Variants in CNTRL observed in about 807,000 individuals in gnomAD.
The protein encoded by CNTRL is centriolin.
In CNTRL, 233 loss-of-function variants were observed where a neutral mutation model predicts 303.7. The ratio of observed to expected loss-of-function variants is 0.77; its 90% CI spans 0.69 to 0.86. CNTRL has a LOEUF of 0.86. Ranked by LOEUF, CNTRL falls within the 40% of genes least tolerant of loss-of-function variation. The probability of loss-of-function intolerance (pLI) is 0.00; values close to 1 mark genes in which losing one functional copy is unlikely to be tolerated. For missense variants in CNTRL, 2,524 were observed against 2,650.6 expected, an observed-to-expected ratio of 0.95 and a Z score of 1.05; for synonymous variants, 900 against 922.2, an observed-to-expected ratio of 0.98 and a Z score of 0.44.
intron 22 of CNTRL, 88 bp downstream of exon 22, chr9:121,145,473 A>G: frequency 7.7e-7 from 1 of 1,304,578 alleles, no homozygotes; most frequent in Non-Finnish European, 1.0e-6. Context: ...AACTGTTACA[A>G]ATCAAGTCCA....
intron 38 of CNTRL, among the ~76,000 whole-genome samples, chr9:121,168,561 C>T (rs1024349492): frequency 2.0e-4 from 30 of 152,106 alleles, no homozygotes; most frequent in African/African-American, 7.0e-4. Context: ...AGAATGCCAT[C>T]TCAAGAAAGT....
rs1323631926 is a variant in CNTRL, at chr9:121,145,380, G to A, written c.3305G>A (p.Gly1102Glu). The change falls in exon 22 of 44, where the codon GGA (glycine) becomes GAA (glutamate). Residue 1102 changes from glycine (G) to glutamate (E), a missense_variant. Physicochemically the swap from Gly to Glu is moderately conservative, Grantham distance 98. Coordinates refer to ENST00000373855, the MANE Select transcript of CNTRL (RefSeq NM_007018.6). ...CTGCAGAATGTACTAGACCTCACTGGAAGTGGTAAAGTATTGGGCTTTGAT... is the reference window on the plus strand; with the variant it reads ...CTGCAGAATGTACTAGACCTCACTGAAAGTGGTAAAGTATTGGGCTTTGAT... ...ARLQNVLDLT[G>E]SDNKGGFENV... 6.2e-7 allele frequency: 1 copy of A among 1,604,356 alleles called. No homozygotes were observed. The highest frequency in any genetic ancestry group is 1.8e-5 in the Admixed American group (1 of 57,094).
At chr9:121,119,228 C>T (rs973116220) in intron 12 of CNTRL, among the ~76,000 whole-genome samples, 2 of 150,866 alleles carry the variant, frequency 1.3e-5, no homozygotes, top group African/African-American at 4.9e-5. Context: ...GGTTGAATTT[C>T]ATTGTATTGC....
chr9:121,135,526 CCTT>C (rs2051137223), intron 14 of CNTRL, among the ~76,000 whole-genome samples: 1 of 152,194 alleles, frequency 6.6e-6, no homozygotes, highest in African/African-American at 2.4e-5. Context: ...CTTTCTTCCT[CCTT>C]ATGTTTTTAG....
chr9:121,149,989 T>C (rs2052125843), intron 24 of CNTRL, among the ~76,000 whole-genome samples, 181 bp from the exon 25 acceptor site: 1 of 152,196 alleles, frequency 6.6e-6, no homozygotes, highest in Non-Finnish European at 1.5e-5. Flanking sequence ...GAAAATACTT[T>C]GAATCCATGT....
At position 121,096,501 on chromosome 9, in the gene CNTRL, T is replaced by A; in HGVS notation, c.559T>A (p.Trp187Arg). The A allele has an allele frequency of 1.3e-6, 2 of 1,565,060 alleles. No homozygotes were observed. The highest frequency in any genetic ancestry group is 1.7e-6 in the Non-Finnish European group (2 of 1,150,312). ...AGNEIEHIPV[W>R]LGKKLKSLRV... ...AAATGAAATTGAGCATATTCCAGTA[T>A]GGTTAGGGAAGAAGTTAAAATCTTT... Residue 187 changes from tryptophan to arginine, a missense_variant, in exon 6 of 44, where the codon TGG (tryptophan) becomes AGG (arginine). Physicochemically the swap from Trp to Arg is moderately radical, Grantham distance 101. Coordinates refer to ENST00000373855, the MANE Select transcript of CNTRL (RefSeq NM_007018.6).
At position 121,142,155 on chromosome 9, in the gene CNTRL, T is replaced by C. The variant is rs776479708; in HGVS notation, c.2756T>C (p.Leu919Ser). 28 of 1,611,848 alleles carry C rather than the reference T, an allele frequency of 1.7e-5. 2 individuals carry two copies. In the South Asian group the frequency reaches 3.0e-4, roughly 17 times the overall value. ...IQQMENEIHY[L>S]QENLKSMEEI... ...CAAATGGAGAATGAAATTCACTATT[T>C]GCAAGAAAATCTAAAAAGTATGGAG... Residue 919 changes from leucine to serine, a missense_variant, in exon 19 of 44, where the codon TTG becomes TCG. By Grantham distance (145) the Leu-to-Ser change is moderately radical. Transcript: ENST00000373855.
In CNTRL at chr9:121,171,452, A is replaced by G; in HGVS notation, c.6321A>G (p.Thr2107=). The change falls in exon 40 of 44, where the codon ACA becomes ACG. Residue 2107 remains threonine (T), a synonymous_variant. Coordinates refer to ENST00000373855, the MANE Select transcript of CNTRL (RefSeq NM_007018.6). ...GCTGCATACAAAAGGAAATGGCAACAATTGAACTGGTAGCCCAGGACAACC... is the reference window on the plus strand; with the variant it reads ...GCTGCATACAAAAGGAAATGGCAACGATTGAACTGGTAGCCCAGGACAACC... ...ENSCIQKEMA[T]IELVAQDNHE... is the part of the protein sequence containing the mutation. The G allele has an allele frequency of 6.2e-7, 1 of 1,614,156 alleles. No individual in the cohort carries two copies. The highest frequency in any genetic ancestry group is 8.5e-7 in the Non-Finnish European group (1 of 1,179,972).
chr9:121,160,393 C>G, intron 32 of CNTRL, 91 bp downstream of exon 32: 2 of 967,202 alleles, frequency 2.1e-6, no homozygotes, highest in Non-Finnish European at 2.9e-6. Context: ...GCCAAAAAAA[C>G]TTTAAAGTTT....
intron 40 of CNTRL, 48 bp from the exon 41 acceptor site, chr9:121,173,195 A>C: frequency 6.6e-7 from 1 of 1,526,172 alleles, no homozygotes; most frequent in Non-Finnish European, 8.9e-7. Context: ...AATTCCAAGT[A>C]AGTCTGAAAT....
intron 7 of CNTRL, 127 bp downstream of exon 7, chr9:121,098,699 T>A (rs745628151): frequency 2.3e-4 from 157 of 682,322 alleles, no homozygotes; most frequent in Non-Finnish European, 3.3e-4. Context: ...GCAGCATAAA[T>A]CAATTCAACA....
chr9:121,175,912 C>A (rs1431095425), intron 43 of CNTRL, among the ~76,000 whole-genome samples: 4 of 152,160 alleles, frequency 2.6e-5, no homozygotes, highest in Admixed American at 2.6e-4. Context: ...TTGTAACTTA[C>A]ATTTACAGAG....
chr9:121,097,264 T>C (rs2048930391), intron 6 of CNTRL, among the ~76,000 whole-genome samples: 1 of 152,090 alleles, frequency 6.6e-6, no homozygotes, highest in South Asian at 2.1e-4. Flanking sequence ...ACATCAGTTG[T>C]AGAATAGAAA....
chr9:121,132,952 G>T (rs1429935992), intron 14 of CNTRL, among the ~76,000 whole-genome samples: 1 of 152,176 alleles, frequency 6.6e-6, no homozygotes, highest in Non-Finnish European at 1.5e-5. Context: ...GTTTGCCTCG[G>T]TATCACAAGT....
At chr9:121,139,489 A>G (rs2051384803) in intron 16 of CNTRL, among the ~76,000 whole-genome samples, 1 of 152,180 alleles carries the variant, frequency 6.6e-6, no homozygotes, top group African/African-American at 2.4e-5. Flanking sequence ...TTCTTCTAAC[A>G]CTTCAAATAT....
chr9:121,148,880 GA>G lies in CNTRL; in HGVS notation c.3649+22del. On this transcript the variant is annotated intron_variant, in intron 24 of 43. Transcript: ENST00000373855. ...AGTAGAGGTAAGTCAAATCACATAG[GA>G]AAGTTGCATTTCTCTTGCCCGTTTA... The G allele has an allele frequency of 6.2e-7, 1 of 1,604,642 alleles. No individual in the cohort carries two copies. The highest frequency in any genetic ancestry group is 8.5e-7 in the Non-Finnish European group (1 of 1,173,858).
rs767889904 is a variant in CNTRL at position 121,088,510 on chromosome 9, A to G, written c.184A>G (p.Asn62Asp). ...TGAGCAAGTTGAGATTGCAGATGAAAACAATATGCTTTTGGACTATCAAGA... is the reference window on the plus strand; with the variant it reads ...TGAGCAAGTTGAGATTGCAGATGAAGACAATATGCTTTTGGACTATCAAGA... Reference protein sequence around the residue: ...WCEQVEIADENNMLLDYQDHK... With the variant: ...WCEQVEIADEDNMLLDYQDHK... The change falls in exon 3 of 44, where the codon AAC (asparagine) becomes GAC (aspartate). Residue 62 changes from asparagine to aspartate, a missense_variant. Transcript: ENST00000373855. 5.6e-6 allele frequency: 9 copies of G among 1,610,930 alleles called. No individual in the cohort carries two copies. In the African/African-American group the frequency reaches 1.2e-4, roughly 22 times the overall value.
chr9:121,122,019 GTTTT>G, intron 12 of CNTRL: 2 of 705,738 alleles, frequency 2.8e-6, no homozygotes, highest in Non-Finnish European at 3.5e-6. Flanking sequence ...GTAAGTTCCT[GTTTT>G]TACAATAACT....
intron 32 of CNTRL, among the ~76,000 whole-genome samples, chr9:121,160,989 C>G (rs539146486): frequency 6.6e-6 from 1 of 152,126 alleles, no homozygotes; most frequent in East Asian, 1.9e-4. Flanking sequence ...ACCACACCCC[C>G]CAAAAAATTG....
Sources: allele counts gnomAD v4.1 joint callset (sites outside exome capture counted in the v4.1 genomes callset), GRCh38; gene constraint gnomAD v4.1.1; transcripts MANE v1.5; gene names NCBI Gene and HGNC (gene_info 2026-07-23, HGNC 2026-07-21).